Variants in ZDHHC24 observed in about 807,000 individuals in gnomAD.
ZDHHC24 encodes zDHHC palmitoyltransferase 24, also known as probable palmitoyltransferase ZDHHC24.
A neutral mutation model predicts 23.2 loss-of-function variants in ZDHHC24; 17 were observed. The ratio of observed to expected loss-of-function variants is 0.73; its 90% confidence interval spans 0.50 to 1.10. The LOEUF (loss-of-function observed/expected upper bound fraction) is 1.10. Among genes scored for constraint, ZDHHC24 ranks in the 50% least tolerant of loss-of-function variants. The probability of loss-of-function intolerance (pLI) is 0.00; values close to 1 mark genes in which losing one functional copy is unlikely to be tolerated. For synonymous variants in ZDHHC24, 186 were observed against 194.5 expected (o/e 0.96, Z 0.36); for missense variants, 366 against 393.0 (o/e 0.93, Z 0.58).
intron 2 of ZDHHC24, among the ~76,000 whole-genome samples, chr11:66,530,246 C>T (rs900814795): frequency 6.6e-6 from 1 of 152,128 alleles, no homozygotes; most frequent in Non-Finnish European, 1.5e-5. Flanking sequence ...TTCCCAAGAA[C>T]CTGAAGGGAT....
intron 2 of ZDHHC24, chr11:66,529,966 T>A: frequency 6.3e-7 from 1 of 1,596,104 alleles, no homozygotes; most frequent in Non-Finnish European, 8.5e-7. Flanking sequence ...AGCATCTGGG[T>A]GAGGGCAGAG....
chr11:66,528,879 A>G (rs1031703647), intron 3 of ZDHHC24, among the ~76,000 whole-genome samples: 5 of 151,074 alleles, frequency 3.3e-5, no homozygotes, highest in Non-Finnish European at 7.4e-5. Flanking sequence ...GAGGCAGGAG[A>G]ATCGATTGAA....
At chr11:66,526,899 TG>T in intron 4 of ZDHHC24, 1 of 1,608,838 alleles carries the variant, frequency 6.2e-7, no homozygotes. Context: ...CCCTGTGCAC[TG>T]GGAGGAGATC....
downstream of ZDHHC24, chr11:66,532,308 A>C: frequency 1.9e-6 from 1 of 522,882 alleles, no homozygotes. Context: ...TTTTCCAGAA[A>C]CCATACTGGG....
At chr11:66,534,497 A>G (rs1452022597), downstream of ZDHHC24, among the ~76,000 whole-genome samples, 6 of 150,746 alleles carry the variant, frequency 4.0e-5, no homozygotes, top group Non-Finnish European at 8.9e-5. Context: ...AAGAAAAGAA[A>G]AAAAAAAAAG....
rs3816492 is a variant in ZDHHC24 at position 66,529,892 on chromosome 11, C to A, written c.560-404G>T. On this transcript the variant is annotated intron_variant, in intron 2 of 4. Coordinates refer to the ZDHHC24 transcript ENST00000526986. ...CTGCCCGCGCCTACCTGCAGGCCCT[C>A]GAGTCCAGCCTGAGCCCCCTGTCCA... 6.2e-7 allele frequency: 1 copy of A among 1,608,024 alleles called. No homozygotes were observed. The highest frequency in any genetic ancestry group is 2.2e-5 in the East Asian group (1 of 44,840).
intron 2 of ZDHHC24, among the ~76,000 whole-genome samples, chr11:66,542,059 C>G (rs1565297344): frequency 6.6e-6 from 1 of 151,914 alleles, no homozygotes. Flanking sequence ...ATACAAGAAG[C>G]TGGGGGCAGT....
At chr11:66,526,910 C>T (rs758812931) in intron 4 of ZDHHC24, 8 of 1,608,736 alleles carry the variant, frequency 5.0e-6, no homozygotes, top group Non-Finnish European at 5.9e-6. Context: ...GGGAGGAGAT[C>T]TCGGCCAACT....
rs747974235 is a variant in ZDHHC24, at chr11:66,526,853, C to T, written c.*21+83G>A. The stretch of plus-strand genomic sequence containing the variant: ...TTTCCCTTCTTCCTCCTCCACTGCT[C>T]CTACACAGCAAAGCTGGGGGAATGC... On this transcript the variant is annotated intron_variant, in intron 4 of 4. Transcript: ENST00000526986. The T allele has an allele frequency of 6.8e-6, 11 of 1,614,090 alleles. No individual in the cohort carries two copies. The African/African-American group carries it at 1.5e-4, about 22-fold the overall frequency.
In ZDHHC24 at chr11:66,543,696, C is replaced by G. The variant is rs1590796753; in HGVS notation, c.559+8G>C. On this transcript the variant is annotated splice_region_variant and intron_variant, in intron 2 of 2. Coordinates refer to ENST00000310442, the MANE Select transcript of ZDHHC24 (RefSeq NM_207340.3). ...TGCCTCTGTGCAGAGGCCTCCCAGG[C>G]TCCCCACCTGTGAGCAACATGAGCC... 1.9e-6 allele frequency: 3 copies of G among 1,567,742 alleles called. No homozygotes were observed. The highest frequency in any genetic ancestry group is 2.6e-6 in the Non-Finnish European group (3 of 1,156,272).
intron 2 of ZDHHC24, among the ~76,000 whole-genome samples, chr11:66,530,187 C>T (rs1168021570): frequency 2.0e-5 from 3 of 152,138 alleles, no homozygotes; most frequent in African/African-American, 4.8e-5. Flanking sequence ...TGCCGTGGGA[C>T]ACTCTCCAGC....
At chr11:66,526,561 A>T (rs1315761713) in intron 4 of ZDHHC24, 2 of 1,557,942 alleles carry the variant, frequency 1.3e-6, no homozygotes, top group South Asian at 2.2e-5. Context: ...AAGCAACTCT[A>T]TAGGAGGCAG....
At chr11:66,534,975 C>T (rs1030378512), downstream of ZDHHC24, among the ~76,000 whole-genome samples, 2 of 152,184 alleles carry the variant, frequency 1.3e-5, no homozygotes, top group African/African-American at 2.4e-5. Context: ...TCACTGCAAC[C>T]TCTGCCTCCC....
downstream of ZDHHC24, chr11:66,532,250 C>T (rs545141791): frequency 3.4e-6 from 2 of 593,078 alleles, no homozygotes; most frequent in African/African-American, 3.7e-5. Context: ...ACAGCACCAA[C>T]CCAGCATGGT....
intron 2 of ZDHHC24, among the ~76,000 whole-genome samples, 163 bp from the exon 3 acceptor site, chr11:66,539,987 A>C (rs1329217382): frequency 6.6e-6 from 1 of 152,188 alleles, no homozygotes; most frequent in Non-Finnish European, 1.5e-5. Flanking sequence ...GCACTGGTAA[A>C]CTGGGCAGAC....
chr11:66,529,009 T>G (rs2134825838), intron 3 of ZDHHC24: 1 of 885,576 alleles, frequency 1.1e-6, no homozygotes, highest in African/African-American at 1.8e-5. Flanking sequence ...TCAGACCTTT[T>G]CTTCATACCA....
At chr11:66,542,973 GCA>G (rs1857195055) in intron 2 of ZDHHC24, 1 of 152,516 alleles carries the variant, frequency 6.6e-6, no homozygotes, top group Non-Finnish European at 1.5e-5. Context: ...GGATGAGGAG[GCA>G]CAGTGACTAC....
At chr11:66,543,552 C>G (rs1195846167) in intron 2 of ZDHHC24, 152 bp downstream of exon 2, 3 of 988,250 alleles carry the variant, frequency 3.0e-6, no homozygotes, top group Non-Finnish European at 2.9e-6. Context: ...ACTGCACCCC[C>G]GGGTGAATAC....
At chr11:66,544,631 C>T (rs1304474139) in intron 1 of ZDHHC24, among the ~76,000 whole-genome samples, 6 of 152,166 alleles carry the variant, frequency 3.9e-5, no homozygotes, top group East Asian at 1.9e-4. Context: ...CCGCCCCCCA[C>T]GCCCTCCAAG....
Sources: gnomAD v4.1 joint callset for allele counts (sites outside exome capture counted in the v4.1 genomes callset) on GRCh38, gnomAD v4.1.1 for gene constraint, MANE v1.5 for transcripts, NCBI Gene and HGNC (gene_info 2026-07-23, HGNC 2026-07-21) for gene names.